KCNQ4: variants seen among roughly 807,000 people sequenced by gnomAD.
KCNQ4 encodes potassium voltage-gated channel subfamily Q member 4.
A neutral mutation model predicts 72.6 loss-of-function variants in KCNQ4; 31 were observed. That is an observed-to-expected ratio of 0.43 (90% CI 0.32 to 0.58). KCNQ4 has a LOEUF of 0.58. Among genes scored for constraint, KCNQ4 ranks in the 20% least tolerant of loss-of-function variants. KCNQ4 has a pLI of 0.08. For synonymous variants in KCNQ4, 405 were observed against 403.7 expected (o/e 1.00, Z -0.04); for missense variants, 869 against 962.6 (o/e 0.90, Z 1.29).
chr1:40,831,242 G>A lies in KCNQ4; in HGVS notation c.1451G>A (p.Ser484Asn). 1.2e-6 allele frequency: 2 copies of A among 1,609,890 alleles called. No individual in the cohort carries two copies. The highest frequency in any genetic ancestry group is 1.7e-5 in the Admixed American group (1 of 59,472). ...TSPTKVQKSW[S>N]FNDRTRFRAS... ...CCCACCAAGGTGCAAAAGAGCTGGA[G>A]CTTCAATGACCGCACCCGCTTCCGG... The change falls in exon 10 of 14, where the codon AGC (serine) becomes AAC (asparagine). Residue 484 changes from serine to asparagine, a missense_variant. Ser to Asn is a conservative substitution (Grantham distance 46, BLOSUM62 1). Coordinates refer to ENST00000347132, the MANE Select transcript of KCNQ4 (RefSeq NM_004700.4).
At position 40,834,959 on chromosome 1, in the gene KCNQ4, C is replaced by A; in HGVS notation, c.1614-8C>A. 1 of 1,613,192 alleles carries A rather than the reference C, an allele frequency of 6.2e-7. No individual in the cohort carries two copies. Among genetic ancestry groups the A allele is most frequent in the Non-Finnish European group, 8.5e-7 (1 of 1,179,410 alleles). ...AGGACACTCCCTCTGAGCCCCCTCC[C>A]CCAACAGGATTCTCAAGTTCCTGGT... On this transcript the variant is annotated splice_polypyrimidine_tract_variant and splice_region_variant and intron_variant, in intron 11 of 13. Transcript: ENST00000347132.
intron 1 of KCNQ4, among the ~76,000 whole-genome samples, chr1:40,786,082 G>A (rs998867572): frequency 3.3e-5 from 5 of 152,178 alleles, no homozygotes; most frequent in African/African-American, 9.7e-5. Context: ...GAAGGCCCAG[G>A]GCTGGTGGAG....
Position 40,817,739 on chromosome 1 carries a change from C to T in KCNQ4, c.405+384C>T, listed in dbSNP as rs999085126. Among the ~76,000 whole-genome samples the T allele has an allele frequency of 6.6e-6, 1 of 152,202 alleles. No homozygotes were observed. The highest frequency in any genetic ancestry group is 1.5e-5 in the Non-Finnish European group (1 of 68,032). On this transcript the variant is annotated intron_variant, in intron 2 of 13. Coordinates refer to ENST00000347132, the MANE Select transcript of KCNQ4 (RefSeq NM_004700.4). The surrounding 1 kb of genome is among the most constrained non-coding windows in gnomAD (Gnocchi z 5.5). ...AGAATAGAAGTGAGTAGGCTCCACC[C>T]CTTCTCAGGACAAAATCTGCAAACT...
In KCNQ4 at chr1:40,784,496, A is replaced by AC; in HGVS notation, c.314+95dup. ...CCGCCCCGCCCTGGCTCCGCCTTCT[A>AC]CCCCCCTGCCTCAGGGCCGACCCTC... On this transcript the variant is annotated intron_variant, in intron 1 of 13. Transcript: ENST00000347132. This position sits in a 1 kb window ranked among gnomAD's most constrained non-coding sequence, Gnocchi z 4.1. 3.1e-6 allele frequency: 4 copies of AC among 1,310,656 alleles called. No homozygotes were observed. The highest frequency in any genetic ancestry group is 1.7e-5 in the Admixed American group (1 of 57,282). The allele number at this position is 1,310,656 out of a possible 1,614,324, so 81.2% of individuals were successfully genotyped here. A position where few individuals can be genotyped will look rare whatever the true frequency, so the allele number is the denominator to read the frequency against.
intron 1 of KCNQ4, among the ~76,000 whole-genome samples, chr1:40,795,411 G>A (rs377294680): frequency 2.0e-4 from 30 of 151,986 alleles, no homozygotes; most frequent in Non-Finnish European, 3.1e-4. Flanking sequence ...GCAGGTGCAC[G>A]TCACGGCGCT....
At chr1:40,820,032 C>T in intron 6 of KCNQ4, 47 bp downstream of exon 6, 3 of 1,543,384 alleles carry the variant, frequency 1.9e-6, no homozygotes, top group Non-Finnish European at 2.7e-6. Context: ...AGGGTGGGAC[C>T]TGCTCACCCC....
chr1:40,816,482 G>A (rs973385797), intron 1 of KCNQ4, among the ~76,000 whole-genome samples: 2 of 152,230 alleles, frequency 1.3e-5, no homozygotes, highest in Admixed American at 1.3e-4. Flanking sequence ...GCGACAAAGG[G>A]TGAGTCCTTC....
Position 40,817,194 on chromosome 1 carries a change from C to T in KCNQ4, c.315-71C>T. 8.0e-7 allele frequency: 1 copy of T among 1,244,174 alleles called. No individual in the cohort carries two copies. The allele number at this position is 1,244,174 out of a possible 1,614,324, so 77.1% of individuals were successfully genotyped here. The stretch of plus-strand genomic sequence containing the variant: ...GTTCTCCTCTCTTGGCTCTGTAACC[C>T]CCTGCCAGGGGCACCTTGGCTGTCC... On this transcript the variant is annotated intron_variant, in intron 1 of 13. Coordinates refer to ENST00000347132, the MANE Select transcript of KCNQ4 (RefSeq NM_004700.4). The surrounding 1 kb of genome is among the most constrained non-coding windows in gnomAD (Gnocchi z 5.5).
chr1:40,792,539 G>T lies in KCNQ4; in HGVS notation c.314+8132G>T, dbSNP rs546154426. Among the ~76,000 whole-genome samples the T allele has an allele frequency of 7.2e-5, 11 of 152,314 alleles. 1 individual carries two copies. Among genetic ancestry groups the T allele is most frequent in the African/African-American group, 2.6e-4 (11 of 41,556 alleles). ...GATGGCTCAAGGGCACAGCCCACAC[G>T]GGGGCCTTTTCCACCTTCCCTCCTT... On this transcript the variant is annotated intron_variant, in intron 1 of 13. Coordinates refer to ENST00000347132, the MANE Select transcript of KCNQ4 (RefSeq NM_004700.4).
rs771549225 is a variant in KCNQ4 at position 40,819,444 on chromosome 1, C to T, written c.806C>T (p.Ser269Phe). The change falls in exon 5 of 14, where the codon TCC becomes TTC. Residue 269 changes from serine to phenylalanine, a missense_variant. Ser to Phe is a radical substitution (Grantham distance 155). Transcript: ENST00000347132. ...AAGGACGCCAACTCCGACTTCTCCTCCTACGCCGACTCGCTCTGGTGGGGG... is the reference window on the plus strand; with the variant it reads ...AAGGACGCCAACTCCGACTTCTCCTTCTACGCCGACTCGCTCTGGTGGGGG... ...AEKDANSDFS[S>F]YADSLWWGTI... 1 of 1,613,896 alleles carries T rather than the reference C, an allele frequency of 6.2e-7. No homozygotes were observed. Among genetic ancestry groups the T allele is most frequent in the Admixed American group, 1.7e-5 (1 of 60,024 alleles).
At chr1:40,791,036 A>G (rs1647270833) in intron 1 of KCNQ4, among the ~76,000 whole-genome samples, 1 of 151,702 alleles carries the variant, frequency 6.6e-6, no homozygotes, top group African/African-American at 2.4e-5. Context: ...GTGCCCAGAG[A>G]GACAGCCAGG....
chr1:40,809,960 G>A (rs902873472), intron 1 of KCNQ4, among the ~76,000 whole-genome samples: 1 of 152,086 alleles, frequency 6.6e-6, no homozygotes. Flanking sequence ...AGCTACTCGG[G>A]AGGCTGAGGC....
At chr1:40,826,591 C>T (rs1049344002) in intron 9 of KCNQ4, 23 of 442,608 alleles carry the variant, frequency 5.2e-5, no homozygotes, top group African/African-American at 4.6e-4. Context: ...CTGCCCACAG[C>T]CCCTTTCCCG....
Position 40,817,437 on chromosome 1 carries a change from T to C in KCNQ4, c.405+82T>C. 9.7e-7 allele frequency: 1 copy of C among 1,030,846 alleles called. No homozygotes were observed. The highest frequency in any genetic ancestry group is 1.5e-6 in the Non-Finnish European group (1 of 688,080). The allele number at this position is 1,030,846 out of a possible 1,614,324, so 63.9% of individuals were successfully genotyped here. ...GGGAGTCCGGGACTGAGGGGGGCTG[T>C]GTGAGGTAGCACCTCTGGGCTGGGA... On this transcript the variant is annotated intron_variant, in intron 2 of 13. Coordinates refer to ENST00000347132, the MANE Select transcript of KCNQ4 (RefSeq NM_004700.4). This position sits in a 1 kb window ranked among gnomAD's most constrained non-coding sequence, Gnocchi z 5.5.
At chr1:40,809,250 A>G (rs945941240) in intron 1 of KCNQ4, among the ~76,000 whole-genome samples, 1 of 152,050 alleles carries the variant, frequency 6.6e-6, no homozygotes, top group African/African-American at 2.4e-5. Flanking sequence ...CTGGGGCTCC[A>G]TCGGGTCCTC....
chr1:40,822,246 G>A (rs1648320198), intron 7 of KCNQ4, 68 bp from the exon 8 acceptor site: 10 of 1,320,936 alleles, frequency 7.6e-6, no homozygotes, highest in Non-Finnish European at 1.1e-5. Context: ...GTTCTTTCAG[G>A]GGAGAGGGCT....
rs769753958 is a variant in KCNQ4 at position 40,794,872 on chromosome 1, G to C, written c.314+10465G>C. On this transcript the variant is annotated intron_variant, in intron 1 of 13. Transcript: ENST00000347132. The surrounding 1 kb of genome is among the most constrained non-coding windows in gnomAD (Gnocchi z 4.2). Reference sequence around the variant, plus strand: ...AGCTGTGGAGCCAGAAGAGGGAGGGGTCTGGTAGGGACAGAGGGATCAGGG... The same window carrying C: ...AGCTGTGGAGCCAGAAGAGGGAGGGCTCTGGTAGGGACAGAGGGATCAGGG... 6.6e-6 allele frequency among the ~76,000 whole-genome samples: 1 copy of C among 151,514 alleles called. No individual in the cohort carries two copies. Among genetic ancestry groups the C allele is most frequent in the Non-Finnish European group, 1.5e-5 (1 of 67,996 alleles).
intron 1 of KCNQ4, among the ~76,000 whole-genome samples, chr1:40,802,536 G>A (rs950087794): frequency 2.0e-5 from 3 of 151,866 alleles, no homozygotes; most frequent in South Asian, 2.1e-4. Flanking sequence ...CCCGCCCCCG[G>A]CATGCCCCGC....
rs546569227 is a variant in KCNQ4, at chr1:40,827,061, G to C, written c.1292+2803G>C. Among the ~76,000 whole-genome samples the C allele has an allele frequency of 7.2e-5, 11 of 152,294 alleles. No homozygotes were observed. The East Asian group carries it at 2.1e-3, about 29-fold the overall frequency. ...CACTCTGACTTTTGCCAGGCCTTGGGCTTAGCTTTCTGTCTCCCTGCTACC... is the reference window on the plus strand; with the variant it reads ...CACTCTGACTTTTGCCAGGCCTTGGCCTTAGCTTTCTGTCTCCCTGCTACC... On this transcript the variant is annotated intron_variant, in intron 9 of 13. Transcript: ENST00000347132.
Sources: gnomAD v4.1 joint callset for allele counts (sites outside exome capture counted in the v4.1 genomes callset) on GRCh38, gnomAD v4.1.1 for gene constraint, Gnocchi (gnomAD v3.1) non-coding constraint, MANE v1.5 for transcripts, NCBI Gene and HGNC (gene_info 2026-07-23, HGNC 2026-07-21) for gene names.